SLC26A8: variants seen among roughly 807,000 people sequenced by gnomAD.
SLC26A8 encodes solute carrier family 26 member 8.
SLC26A8 carries 70 observed loss-of-function variants against 105.0 expected under a neutral mutation model. That is an observed-to-expected ratio of 0.67 (90% CI 0.55 to 0.81). The LOEUF is 0.81. SLC26A8 is among the 40% of genes least tolerant of loss of function. SLC26A8 has a pLI of 0.00. For synonymous variants in SLC26A8, 415 were observed against 438.3 expected (o/e 0.95, Z 0.66); for missense variants, 998 against 1,181.8 (o/e 0.84, Z 2.28).
intron 19 of SLC26A8, among the ~76,000 whole-genome samples, chr6:35,950,879 T>C (rs970959853): frequency 1.3e-5 from 2 of 152,288 alleles, no homozygotes; most frequent in Admixed American, 1.3e-4. Flanking sequence ...AGGTCTGTGC[T>C]GGGTTGGGCA....
At chr6:35,959,061 C>G (rs555978744) in intron 16 of SLC26A8, among the ~76,000 whole-genome samples, 1 of 152,204 alleles carries the variant, frequency 6.6e-6, no homozygotes, top group Non-Finnish European at 1.5e-5. Context: ...GCCCAGCAAC[C>G]TTGACCTTGC....
chr6:35,977,381 A>G (rs1213188331), intron 8 of SLC26A8, 30 bp from the exon 9 acceptor site: 3 of 1,599,186 alleles, frequency 1.9e-6, no homozygotes, highest in East Asian at 4.5e-5. Flanking sequence ...TTATTTCTGG[A>G]TAGCAGGAAT....
chr6:35,971,743 C>T (rs1265499756), intron 10 of SLC26A8, among the ~76,000 whole-genome samples: 2 of 152,226 alleles, frequency 1.3e-5, no homozygotes, highest in Non-Finnish European at 2.9e-5. Flanking sequence ...TCCAGGCTCT[C>T]TCCACGGCCC....
At chr6:35,967,796 G>A (rs1398791446) in intron 11 of SLC26A8, among the ~76,000 whole-genome samples, 3 of 152,114 alleles carry the variant, frequency 2.0e-5, no homozygotes, top group African/African-American at 7.2e-5. Context: ...TACTTACGAA[G>A]CTTGCTTTAT....
chr6:36,019,834 A>AGATGT, intron 1 of SLC26A8, 125 bp from the exon 2 acceptor site: 2 of 887,994 alleles, frequency 2.3e-6, no homozygotes, highest in South Asian at 4.8e-5. Context: ...TTTCAGTTGT[A>AGATGT]AAAAACTCTT....
chr6:36,004,921 C>T (rs1200997799), intron 3 of SLC26A8, among the ~76,000 whole-genome samples: 3 of 151,440 alleles, frequency 2.0e-5, no homozygotes, highest in African/African-American at 7.3e-5. Flanking sequence ...CTGCCTTGGC[C>T]TCCCAAAGTG....
chr6:35,979,588 A>G (rs902556178), intron 8 of SLC26A8, among the ~76,000 whole-genome samples: 1 of 152,220 alleles, frequency 6.6e-6, no homozygotes, highest in Non-Finnish European at 1.5e-5. Flanking sequence ...CTTATTATCA[A>G]ATTCCACCTT....
intron 3 of SLC26A8, among the ~76,000 whole-genome samples, chr6:36,009,286 G>T (rs1761779439): frequency 6.6e-6 from 1 of 152,128 alleles, no homozygotes; most frequent in African/African-American, 2.4e-5. Flanking sequence ...GGGTGGCAGA[G>T]GTTGTAGTGA....
chr6:35,961,149 T>A, intron 12 of SLC26A8, 50 bp from the exon 13 acceptor site: 1 of 1,443,778 alleles, frequency 6.9e-7, no homozygotes, highest in Non-Finnish European at 9.7e-7. Context: ...CAAGTTCAAC[T>A]GAGAAAATGA....
At chr6:35,950,383 G>A (rs1279893560) in intron 19 of SLC26A8, among the ~76,000 whole-genome samples, 6 of 151,374 alleles carry the variant, frequency 4.0e-5, no homozygotes, top group Non-Finnish European at 7.4e-5. Flanking sequence ...TCTGCCTCCC[G>A]GGTTCAAGCA....
chr6:35,959,289 TC>T (rs967349902), intron 16 of SLC26A8, among the ~76,000 whole-genome samples, 170 bp downstream of exon 16: 76 of 152,246 alleles, frequency 5.0e-4, no homozygotes, highest in African/African-American at 1.8e-3. Flanking sequence ...CTTTTTTTTT[TC>T]AGTCAAGCCT....
At chr6:36,015,260 G>A (rs1196310066) in intron 2 of SLC26A8, among the ~76,000 whole-genome samples, 1 of 152,010 alleles carries the variant, frequency 6.6e-6, no homozygotes, top group African/African-American at 2.4e-5. Context: ...TGACAGGCAC[G>A]TGCCACCATG....
At chr6:36,009,973 GA>G (rs1208655454) in intron 3 of SLC26A8, among the ~76,000 whole-genome samples, 9 of 152,132 alleles carry the variant, frequency 5.9e-5, no homozygotes, top group Admixed American at 3.9e-4. Flanking sequence ...GGATGTGGAG[GA>G]AATGAAATTC....
chr6:35,996,261 C>T (rs1025153172), intron 5 of SLC26A8, among the ~76,000 whole-genome samples: 1 of 152,150 alleles, frequency 6.6e-6, no homozygotes, highest in Admixed American at 6.6e-5. Flanking sequence ...TAGTGAAAGA[C>T]AGTCCCAGGG....
intron 2 of SLC26A8, among the ~76,000 whole-genome samples, chr6:36,014,971 A>G (rs1234384356): frequency 6.6e-6 from 1 of 152,192 alleles, no homozygotes; most frequent in Non-Finnish European, 1.5e-5. Context: ...TTTACGAGGC[A>G]GGTGCTATTA....
At chr6:35,993,948 G>A (rs949165010) in intron 5 of SLC26A8, among the ~76,000 whole-genome samples, 1 of 152,056 alleles carries the variant, frequency 6.6e-6, no homozygotes, top group African/African-American at 2.4e-5. Context: ...AGGGTGGAAA[G>A]GAGCAAAACA....
intron 3 of SLC26A8, among the ~76,000 whole-genome samples, chr6:36,010,594 A>AG (rs1264432482): frequency 7.2e-6 from 1 of 139,648 alleles, no homozygotes; most frequent in Non-Finnish European, 1.5e-5. Context: ...GCTGGAGTGC[A>AG]GTGGTGCGAT....
intron 17 of SLC26A8, 91 bp downstream of exon 17, chr6:35,955,061 C>T (rs189911097): frequency 1.3e-6 from 2 of 1,503,284 alleles, no homozygotes; most frequent in Non-Finnish European, 1.8e-6. Flanking sequence ...AGCAGCTGAT[C>T]AGTGACTAAC....
In SLC26A8 at chr6:35,951,057, C is replaced by A. The variant is rs1242238870; in HGVS notation, c.2472+106G>T. On this transcript the variant is annotated intron_variant, in intron 19 of 19. Coordinates refer to ENST00000490799, the MANE Select transcript of SLC26A8 (RefSeq NM_052961.4). Reference sequence around the variant, plus strand: ...AATACCTTTCCTGGACATTATTCCTCTATCTGATCAGGAATCCTGACTCCC... The same window carrying A: ...AATACCTTTCCTGGACATTATTCCTATATCTGATCAGGAATCCTGACTCCC... 4 of 1,123,638 alleles carry A rather than the reference C, an allele frequency of 3.6e-6. No homozygotes were observed. In the African/African-American group the frequency reaches 6.1e-5, roughly 17 times the overall value. 69.6% of individuals were successfully genotyped at this position (1,123,638 alleles called of 1,614,324 possible). A position where few individuals can be genotyped will look rare whatever the true frequency, so the allele number is the denominator to read the frequency against.
Sources: gnomAD v4.1 joint callset for allele counts (sites outside exome capture counted in the v4.1 genomes callset) on GRCh38, gnomAD v4.1.1 for gene constraint, MANE v1.5 for transcripts, NCBI Gene and HGNC (gene_info 2026-07-23, HGNC 2026-07-21) for gene names.